KREMEN1: variants seen among roughly 807,000 people sequenced by gnomAD.
The protein encoded by KREMEN1 is kringle containing transmembrane protein 1, also known as kremen protein 1.
A neutral mutation model predicts 46.5 loss-of-function variants in KREMEN1; 30 were observed. The ratio of observed to expected loss-of-function variants is 0.65; its 90% CI spans 0.48 to 0.88. KREMEN1 has a LOEUF of 0.88. Ranked by LOEUF, KREMEN1 falls within the 40% of genes least tolerant of loss-of-function variation. The probability of loss-of-function intolerance (pLI) is 0.00; values close to 1 mark genes in which losing one functional copy is unlikely to be tolerated. For synonymous variants in KREMEN1, 214 were observed against 230.6 expected, an observed-to-expected ratio of 0.93 and a Z score of 0.65; for missense variants, 533 against 596.9, an observed-to-expected ratio of 0.89 and a Z score of 1.11.
intron 9 of KREMEN1, among the ~76,000 whole-genome samples, chr22:29,166,567 C>A (rs1275623887): frequency 6.6e-6 from 1 of 152,206 alleles, no homozygotes; most frequent in Non-Finnish European, 1.5e-5. Context: ...GAGTATGTTA[C>A]AACCTGCAGA....
chr22:29,090,752 A>G (rs1399972235), intron 1 of KREMEN1, among the ~76,000 whole-genome samples: 4 of 152,204 alleles, frequency 2.6e-5, no homozygotes, highest in Non-Finnish European at 5.9e-5. Flanking sequence ...AATGCAGAGC[A>G]TTCGAGTTGG....
At chr22:29,125,712 CAT>C (rs1460716425) in intron 5 of KREMEN1, among the ~76,000 whole-genome samples, 4 of 152,156 alleles carry the variant, frequency 2.6e-5, no homozygotes, top group Non-Finnish European at 5.9e-5. Flanking sequence ...TCCAATTTTA[CAT>C]AGACACTAAT....
intron 1 of KREMEN1, among the ~76,000 whole-genome samples, chr22:29,093,356 G>A (rs1249030492): frequency 1.3e-5 from 2 of 152,170 alleles, no homozygotes; most frequent in African/African-American, 4.8e-5. Context: ...AGAAGTGTTT[G>A]AAGTGCTTCT....
At chr22:29,082,837 G>C (rs1569311659) in intron 1 of KREMEN1, among the ~76,000 whole-genome samples, 1 of 152,144 alleles carries the variant, frequency 6.6e-6, no homozygotes, top group African/African-American at 2.4e-5. Context: ...TTCGCCTTTT[G>C]TTTTTGTGTT....
At position 29,138,716 on chromosome 22, in the gene KREMEN1, G is replaced by T. The variant is rs769585716; in HGVS notation, c.1057G>T (p.Ala353Ser). ...GCAGGCCAACCTCAGTGTCAGCGCT[G>T]CCCGGTCCTCCAAAGTCCTCTATGT... ...TEQANLSVSA[A>S]RSSKVLYVIT... is the part of the protein sequence containing the mutation. The change falls in exon 7 of 9, where the codon GCC (alanine) becomes TCC (serine). Residue 353 changes from alanine to serine, a missense_variant. Physicochemically the swap from Ala to Ser is moderately conservative, Grantham distance 99. Transcript: ENST00000400335. 3.7e-6 allele frequency: 6 copies of T among 1,614,216 alleles called. No homozygotes were observed. Among genetic ancestry groups the T allele is most frequent in the Non-Finnish European group, 5.1e-6 (6 of 1,180,050 alleles).
intron 1 of KREMEN1, among the ~76,000 whole-genome samples, chr22:29,078,318 T>C (rs1212752022): frequency 6.6e-6 from 1 of 152,138 alleles, no homozygotes; most frequent in African/African-American, 2.4e-5. Context: ...AAATTCAGCA[T>C]GGTTCAGTGT....
At chr22:29,148,450 G>GT (rs924666035), downstream of KREMEN1, among the ~76,000 whole-genome samples, 12 of 150,368 alleles carry the variant, frequency 8.0e-5, no homozygotes, top group East Asian at 3.9e-4. Flanking sequence ...TGGCAAAATT[G>GT]TTTTTTTTGT....
At chr22:29,155,060 G>A (rs1260750171) in intron 9 of KREMEN1, among the ~76,000 whole-genome samples, 2 of 151,714 alleles carry the variant, frequency 1.3e-5, no homozygotes, top group African/African-American at 2.4e-5. Context: ...TACACACACT[G>A]TATCAGAATA....
At chr22:29,080,218 A>G (rs543139474) in intron 1 of KREMEN1, among the ~76,000 whole-genome samples, 6 of 152,102 alleles carry the variant, frequency 3.9e-5, no homozygotes, top group East Asian at 1.9e-4. Context: ...CCCTCCCTCC[A>G]TGTTTTGCTC....
At position 29,122,972 on chromosome 22, in the gene KREMEN1, ACT is replaced by A. The variant is rs201556691; in HGVS notation, c.477+1492_477+1493del. ...AAAAAAAAAAAAAAAAAAAAGACAT[ACT>A]GTTATATACAACGTGGATGAATCTC... On this transcript the variant is annotated intron_variant, in intron 4 of 8. Transcript: ENST00000400335. 5.5e-3 allele frequency among the ~76,000 whole-genome samples: 809 copies of A among 148,094 alleles called. 17 individuals are homozygous for A. Among genetic ancestry groups the A allele is most frequent in the African/African-American group, 0.019 (743 of 39,572 alleles).
intron 9 of KREMEN1, among the ~76,000 whole-genome samples, chr22:29,156,949 C>T (rs1270344015): frequency 6.6e-6 from 1 of 152,202 alleles, no homozygotes; most frequent in African/African-American, 2.4e-5. Context: ...GCTGCCATCA[C>T]TTAATCCTGG....
chr22:29,111,743 T>G (rs937468577), intron 3 of KREMEN1: 1 of 149,818 alleles, frequency 6.7e-6, no homozygotes, highest in Non-Finnish European at 1.5e-5. Flanking sequence ...TTTTAAGACA[T>G]AGGACAAGAA....
chr22:29,075,346 C>G (rs1043256911), intron 1 of KREMEN1, among the ~76,000 whole-genome samples: 1 of 152,170 alleles, frequency 6.6e-6, no homozygotes, highest in Non-Finnish European at 1.5e-5. Flanking sequence ...TCAAGTGAGC[C>G]AACTCTCCTT....
chr22:29,082,973 T>C (rs143985574), intron 1 of KREMEN1, among the ~76,000 whole-genome samples: 2 of 152,332 alleles, frequency 1.3e-5, no homozygotes, highest in Non-Finnish European at 2.9e-5. Flanking sequence ...GGTCTCACTC[T>C]GTCACCCAGG....
chr22:29,098,720 A>G lies in KREMEN1; in HGVS notation c.261-142A>G, dbSNP rs1309075406. On this transcript the variant is annotated intron_variant, in intron 2 of 8. Coordinates refer to ENST00000400335, the MANE Select transcript of KREMEN1 (RefSeq NM_001039570.3). ...TAATATTACCATTTTTTCCCTTTTG[A>G]TGAGAGATGGCACTGAGATACAGAC... 1.1e-5 allele frequency: 7 copies of G among 639,786 alleles called. No individual in the cohort carries two copies. In the South Asian group the frequency reaches 1.3e-4, roughly 12 times the overall value. 39.6% of individuals were successfully genotyped at this position (639,786 alleles called of 1,614,324 possible). A position where few individuals can be genotyped will look rare whatever the true frequency, so the allele number is the denominator to read the frequency against.
At chr22:29,104,862 G>A (rs2038030014) in intron 3 of KREMEN1, among the ~76,000 whole-genome samples, 1 of 152,142 alleles carries the variant, frequency 6.6e-6, no homozygotes, top group African/African-American at 2.4e-5. Context: ...CCATTGCACT[G>A]CAGCCTGGGC....
chr22:29,121,480 A>G lies in KREMEN1; in HGVS notation c.476A>G (p.Lys159Arg), dbSNP rs1014944092. The change falls in exon 4 of 9, where the codon AAG becomes AGG. Residue 159 changes from lysine to arginine, a missense_variant and splice_region_variant. By Grantham distance (26) the Lys-to-Arg change is conservative (BLOSUM62 2). Transcript: ENST00000400335. ...CISFCRSQRF[K>R]FAGMESGYAC... ...AGTTTTTGTCGGAGTCAGAGGTTCA[A>G]GGTGATGACTCTGTGGCTGTGTAAC... The G allele has an allele frequency of 6.2e-7, 1 of 1,613,924 alleles. No homozygotes were observed. Among genetic ancestry groups the G allele is most frequent in the Non-Finnish European group, 8.5e-7 (1 of 1,179,914 alleles).
At chr22:29,126,944 T>C (rs939241178) in intron 5 of KREMEN1, among the ~76,000 whole-genome samples, 1 of 152,238 alleles carries the variant, frequency 6.6e-6, no homozygotes, top group Non-Finnish European at 1.5e-5. Context: ...ATCTTGCTAA[T>C]GCTTAGTTGG....
downstream of KREMEN1, among the ~76,000 whole-genome samples, chr22:29,149,963 C>T (rs1331403727): frequency 6.6e-6 from 1 of 152,226 alleles, no homozygotes; most frequent in Non-Finnish European, 1.5e-5. Context: ...TCTTCTTTCC[C>T]CTCTGGGCCA....
Sources: gnomAD v4.1 joint callset for allele counts (sites outside exome capture counted in the v4.1 genomes callset) on GRCh38, gnomAD v4.1.1 for gene constraint, MANE v1.5 for transcripts, NCBI Gene and HGNC (gene_info 2026-07-23, HGNC 2026-07-21) for gene names.